Variants in SHB observed in about 807,000 individuals in gnomAD.
SHB encodes SH2 domain-containing adapter protein B.
Under a neutral mutation model 52.3 loss-of-function variants are expected in SHB, and 20 were observed. The observed-to-expected ratio is 0.38, with a 90% CI of 0.27 to 0.56. SHB has a LOEUF of 0.56. SHB is among the 20% of genes least tolerant of loss of function. The probability of loss-of-function intolerance (pLI) is 0.71; values close to 1 mark genes in which losing one functional copy is unlikely to be tolerated. For missense variants in SHB, 825 were observed against 723.3 expected (o/e 1.14, Z -1.61); for synonymous variants, 397 against 316.5 (o/e 1.25, Z -2.70).
Position 37,919,061 on chromosome 9 carries a change from T to G in SHB, c.*760A>C, listed in dbSNP as rs1330937898. On this transcript the variant is annotated 3_prime_UTR_variant, in exon 6 of 6. Coordinates refer to ENST00000377707, the MANE Select transcript of SHB (RefSeq NM_003028.3). The stretch of plus-strand genomic sequence containing the variant: ...GCAGCAAGCCCAGAGGAGACACGCC[T>G]TGCTCTGGGAGTGAAACCAGAACTG... 6.6e-6 allele frequency: 1 copy of G among 152,582 alleles called. No homozygotes were observed. Among genetic ancestry groups the G allele is most frequent in the East Asian group, 1.9e-4 (1 of 5,196 alleles). 9.5% of individuals were successfully genotyped at this position (152,582 alleles called of 1,614,324 possible). A position where few individuals can be genotyped will look rare whatever the true frequency, so the allele number is the denominator to read the frequency against.
In SHB at chr9:38,068,087, T is replaced by C. The variant is rs1821996204; in HGVS notation, c.559A>G (p.Lys187Glu). Residue 187 changes from lysine to glutamate, a missense_variant, in exon 1 of 6, where the codon AAA becomes GAA. Lys to Glu is a moderately conservative substitution (Grantham distance 56). Coordinates refer to ENST00000377707, the MANE Select transcript of SHB (RefSeq NM_003028.3). ...RYISPKHRLI[K>E]VESAAGGGAG... ...CCACCGCCCGCGGCGCTCTCCACTTTGATGAGGCGGTGCTTGGGGGAGATG... is the reference window on the plus strand; with the variant it reads ...CCACCGCCCGCGGCGCTCTCCACTTCGATGAGGCGGTGCTTGGGGGAGATG... 1 of 1,496,284 alleles carries C rather than the reference T, an allele frequency of 6.7e-7. No homozygotes were observed. Among genetic ancestry groups the C allele is most frequent in the Non-Finnish European group, 8.8e-7 (1 of 1,133,934 alleles). 92.7% of individuals were successfully genotyped at this position (1,496,284 alleles called of 1,614,324 possible). A position where few individuals can be genotyped will look rare whatever the true frequency, so the allele number is the denominator to read the frequency against.
chr9:37,923,722 C>T (rs1052944547), intron 5 of SHB, among the ~76,000 whole-genome samples: 16 of 152,176 alleles, frequency 1.1e-4, no homozygotes, highest in African/African-American at 3.6e-4. Flanking sequence ...GTTCATCAGG[C>T]AAGGAGTATG....
At chr9:37,920,748 TGAG>T in intron 5 of SHB, among the ~76,000 whole-genome samples, 1 of 152,212 alleles carries the variant, frequency 6.6e-6, no homozygotes, top group East Asian at 1.9e-4. Context: ...CTGGTGGCAC[TGAG>T]GACACGCATG....
intron 3 of SHB, among the ~76,000 whole-genome samples, chr9:37,962,773 C>G (rs1832707618): frequency 6.6e-6 from 1 of 152,068 alleles, no homozygotes; most frequent in South Asian, 2.1e-4. Context: ...CAGTCTCCCC[C>G]AAACGCTGGG....
intron 5 of SHB, among the ~76,000 whole-genome samples, chr9:37,923,335 G>A (rs1353414543): frequency 6.6e-6 from 1 of 152,216 alleles, no homozygotes; most frequent in East Asian, 1.9e-4. Context: ...CAGCAGAGGG[G>A]CTGGGAGTAA....
chr9:37,936,072 C>T (rs1022002260), intron 5 of SHB, among the ~76,000 whole-genome samples: 2 of 151,496 alleles, frequency 1.3e-5, no homozygotes, highest in South Asian at 2.1e-4. Flanking sequence ...AACAATTAGC[C>T]GGGCGTGGTG....
chr9:38,036,037 G>A lies in SHB; in HGVS notation c.718-19906C>T, dbSNP rs1041205472. Among the ~76,000 whole-genome samples the A allele has an allele frequency of 8.5e-5, 13 of 152,086 alleles. No individual in the cohort carries two copies. The South Asian group carries it at 1.7e-3, about 19-fold the overall frequency. On this transcript the variant is annotated intron_variant, in intron 1 of 5. Coordinates refer to ENST00000377707, the MANE Select transcript of SHB (RefSeq NM_003028.3). ...CAAACCCAGCGAGGGGAAGTGACTC[G>A]CTCAAGGTCATACAGTGAGTCAAGA...
chr9:38,001,241 C>T (rs1821009737), intron 2 of SHB, among the ~76,000 whole-genome samples: 1 of 152,200 alleles, frequency 6.6e-6, no homozygotes, highest in African/African-American at 2.4e-5. Context: ...GTAGGCAACT[C>T]TGAATGGCTC....
At chr9:38,003,278 G>A in intron 2 of SHB, among the ~76,000 whole-genome samples, 1 of 151,906 alleles carries the variant, frequency 6.6e-6, no homozygotes. Flanking sequence ...GCTAAACACA[G>A]GACCTCCTTG....
At position 37,952,781 on chromosome 9, in the gene SHB, C is replaced by T. The variant is rs148023197; in HGVS notation, c.1226+3102G>A. On this transcript the variant is annotated intron_variant, in intron 4 of 5. Transcript: ENST00000377707. ...GAACCATAACTAGTTAGATGTGACA[C>T]CGTTTATGGAGGTGCGGAAGCTGGG... 4.1e-3 allele frequency among the ~76,000 whole-genome samples: 622 copies of T among 152,016 alleles called. 3 individuals carry two copies. Among genetic ancestry groups the T allele is most frequent in the Non-Finnish European group, 7.7e-3 (524 of 67,980 alleles).
At chr9:37,921,514 A>G (rs1291527050) in intron 5 of SHB, among the ~76,000 whole-genome samples, 1 of 152,262 alleles carries the variant, frequency 6.6e-6, no homozygotes, top group Non-Finnish European at 1.5e-5. Flanking sequence ...GTATTTAGAG[A>G]TGTCACCCTT....
chr9:38,000,070 G>A (rs1348915509), intron 2 of SHB, among the ~76,000 whole-genome samples: 1 of 152,240 alleles, frequency 6.6e-6, no homozygotes, highest in Admixed American at 6.5e-5. Context: ...CACAGGCCCA[G>A]GGCTGGGTCC....
At chr9:38,021,914 G>A (rs1258380924) in intron 1 of SHB, among the ~76,000 whole-genome samples, 1 of 152,240 alleles carries the variant, frequency 6.6e-6, no homozygotes, top group African/African-American at 2.4e-5. Flanking sequence ...AGGAGAGAGT[G>A]TCTTGCTGGC....
chr9:38,001,729 T>C (rs968472301), intron 2 of SHB, among the ~76,000 whole-genome samples: 5 of 152,234 alleles, frequency 3.3e-5, no homozygotes, highest in Admixed American at 1.3e-4. Context: ...TTAGGGTTAG[T>C]TCCCTTGGAG....
At position 38,067,942 on chromosome 9, in the gene SHB, C is replaced by T. The variant is rs760448630; in HGVS notation, c.704G>A (p.Gly235Asp). The change falls in exon 1 of 6, where the codon GGC becomes GAC. Residue 235 changes from glycine to aspartate, a missense_variant. By Grantham distance (94) the Gly-to-Asp change is moderately conservative. Coordinates refer to ENST00000377707, the MANE Select transcript of SHB (RefSeq NM_003028.3). The part of the protein sequence containing the change: ...AASAAEESGA[G>D]KKDKVTIADD... ...GGGGCACCTTACCTTGTCCTTCTTGCCGGCCCCGCTCTCCTCCGCGGCTGA... is the reference window on the plus strand; with the variant it reads ...GGGGCACCTTACCTTGTCCTTCTTGTCGGCCCCGCTCTCCTCCGCGGCTGA... 6 of 1,538,542 alleles carry T rather than the reference C, an allele frequency of 3.9e-6. No homozygotes were observed. Among genetic ancestry groups the T allele is most frequent in the African/African-American group, 1.4e-5 (1 of 71,000 alleles).
At chr9:37,925,764 T>TG (rs745772750) in intron 5 of SHB, among the ~76,000 whole-genome samples, 2 of 152,242 alleles carry the variant, frequency 1.3e-5, no homozygotes, top group Non-Finnish European at 2.9e-5. Flanking sequence ...ACAAAGCTGT[T>TG]GGGCCATTTT....
chr9:37,922,795 G>A (rs373963053), intron 5 of SHB, among the ~76,000 whole-genome samples: 1 of 152,168 alleles, frequency 6.6e-6, no homozygotes, highest in African/African-American at 2.4e-5. Flanking sequence ...CTATCCTTGT[G>A]CCTTGCTGGG....
intron 1 of SHB, among the ~76,000 whole-genome samples, chr9:38,048,127 C>T (rs1195329410): frequency 6.6e-6 from 1 of 152,186 alleles, no homozygotes; most frequent in Non-Finnish European, 1.5e-5. Context: ...CCCCTCCTCA[C>T]GTTGTGCTTG....
At chr9:38,023,159 G>A (rs527283734) in intron 1 of SHB, among the ~76,000 whole-genome samples, 2 of 152,340 alleles carry the variant, frequency 1.3e-5, no homozygotes, top group East Asian at 3.9e-4. Context: ...CCGAGGCTAT[G>A]TAAATATACA....
Sources: allele counts gnomAD v4.1 joint callset (sites outside exome capture counted in the v4.1 genomes callset), GRCh38; gene constraint gnomAD v4.1.1; transcripts MANE v1.5; gene names NCBI Gene and HGNC (gene_info 2026-07-23, HGNC 2026-07-21).